The following KLF8 variants were observed in gnomAD, a reference collection of about 807,000 sequenced individuals.
KLF8 encodes KLF transcription factor 8, also known as Krueppel-like factor 8.
In KLF8, 10 loss-of-function variants were observed where a neutral mutation model predicts 18.2. The ratio of observed to expected loss-of-function variants is 0.55; its 90% CI spans 0.34 to 0.93. The LOEUF is 0.93. Among genes scored for constraint, KLF8 ranks in the 40% least tolerant of loss-of-function variants. The pLI, the probability that KLF8 is intolerant of heterozygous loss-of-function variation, is 0.02. For missense variants in KLF8, 264 were observed against 277.9 expected, an observed-to-expected ratio of 0.95 and a Z score of 0.36; for synonymous variants, 109 against 97.3, an observed-to-expected ratio of 1.12 and a Z score of -0.71.
the KLF8 span, among the ~76,000 whole-genome samples, chrX:56,176,526 G>T: frequency 9.0e-6 from 1 of 111,579 alleles, no homozygotes; most frequent in Non-Finnish European, 1.9e-5. Flanking sequence ...CTCTCTGGCT[G>T]CTCTTAACAT....
chrX:55,942,538 A>T, the KLF8 span, among the ~76,000 whole-genome samples: 4 of 111,816 alleles, frequency 3.6e-5, no homozygotes, highest in African/African-American at 1.3e-4. Flanking sequence ...ATTAATAAAA[A>T]AAGAATCTAG....
At chrX:56,164,729 C>CTTTTTTTTTTTTTTTTTTCTT in the KLF8 span, among the ~76,000 whole-genome samples, 3 of 51,922 alleles carry the variant, frequency 5.8e-5, no homozygotes, top group Non-Finnish European at 1.0e-4. Flanking sequence ...CTTGTTATCT[C>CTTTTTTTTTTTTTTTTTTCTT]TTTTTTTTTT....
At chrX:56,230,422 T>C (rs1296305034), upstream of KLF8, among the ~76,000 whole-genome samples, 1 of 112,140 alleles carries the variant, frequency 8.9e-6, no homozygotes, top group African/African-American at 3.2e-5. Flanking sequence ...ATTTTTTAAA[T>C]GAAGGCATAG....
At chrX:56,054,113 T>TTTTA in the KLF8 span, among the ~76,000 whole-genome samples, 2 of 110,098 alleles carry the variant, frequency 1.8e-5, no homozygotes, top group Non-Finnish European at 3.8e-5. Flanking sequence ...AGATCTTTCT[T>TTTTA]TTTATTTATT....
the KLF8 span, among the ~76,000 whole-genome samples, chrX:56,154,163 G>A: frequency 2.2e-4 from 24 of 110,994 alleles, no homozygotes; most frequent in Middle Eastern, 4.6e-3. Flanking sequence ...GAGGCATCAC[G>A]CTACCTGACT....
At chrX:55,980,636 G>C in the KLF8 span, among the ~76,000 whole-genome samples, 1 of 111,584 alleles carries the variant, frequency 9.0e-6, no homozygotes, top group African/African-American at 3.3e-5. Flanking sequence ...AATGACTATA[G>C]ATCCTGTATT....
At chrX:56,051,058 A>C in the KLF8 span, among the ~76,000 whole-genome samples, 4 of 109,793 alleles carry the variant, frequency 3.6e-5, no homozygotes, top group Admixed American at 2.9e-4. Context: ...TTGTTGGTTT[A>C]AAGTCTGTTT....
the KLF8 span, among the ~76,000 whole-genome samples, chrX:56,075,851 A>G: frequency 8.9e-6 from 1 of 112,031 alleles, no homozygotes; most frequent in Non-Finnish European, 1.9e-5. Flanking sequence ...ATGTCTCATT[A>G]TTTTTATGGC....
At chrX:56,123,271 A>AAAAGAAAGAAAG in the KLF8 span, among the ~76,000 whole-genome samples, 143 of 91,309 alleles carry the variant, frequency 1.6e-3, 1 homozygote, top group East Asian at 3.4e-3. Flanking sequence ...GAAAGAAAGA[A>AAAAGAAAGAAAG]AAAGAAAGAA....
chrX:55,914,856 A>AT, the KLF8 span, among the ~76,000 whole-genome samples: 16 of 111,473 alleles, frequency 1.4e-4, no homozygotes, highest in Non-Finnish European at 7.5e-5. Flanking sequence ...AGAGTCTCTT[A>AT]TTTTTTATAA....
the KLF8 span, among the ~76,000 whole-genome samples, chrX:56,104,925 G>C: frequency 4.5e-5 from 5 of 111,467 alleles, no homozygotes; most frequent in Non-Finnish European, 9.4e-5. Flanking sequence ...GCTTTGTTCT[G>C]ATTGATATCA....
the KLF8 span, among the ~76,000 whole-genome samples, chrX:56,160,055 T>C: frequency 8.9e-6 from 1 of 111,986 alleles, no homozygotes; most frequent in Non-Finnish European, 1.9e-5. Flanking sequence ...TACACACTGC[T>C]TTGAATGTGT....
the KLF8 span, among the ~76,000 whole-genome samples, chrX:56,124,522 T>C: frequency 8.9e-6 from 1 of 112,143 alleles, no homozygotes; most frequent in South Asian, 3.7e-4. Flanking sequence ...TAAAACATGA[T>C]GCTTTTCATT....
chrX:56,143,595 C>T, the KLF8 span, among the ~76,000 whole-genome samples: 7 of 111,839 alleles, frequency 6.3e-5, no homozygotes, highest in Admixed American at 6.7e-4. Flanking sequence ...TTTCATCCCA[C>T]TTTCCCTTTC....
chrX:56,203,467 T>C, the KLF8 span, among the ~76,000 whole-genome samples: 2 of 112,406 alleles, frequency 1.8e-5, no homozygotes, highest in South Asian at 7.4e-4. Context: ...TGGTTACCTG[T>C]GCTTGTGGAA....
the KLF8 span, among the ~76,000 whole-genome samples, chrX:55,985,792 CCT>C: frequency 9.1e-6 from 1 of 110,472 alleles, no homozygotes; most frequent in East Asian, 2.8e-4. Context: ...TTGTTTGTGT[CCT>C]CTCTGATTTC....
At chrX:56,184,772 G>A in the KLF8 span, among the ~76,000 whole-genome samples, 1 of 112,003 alleles carries the variant, frequency 8.9e-6, no homozygotes, top group African/African-American at 3.2e-5. Flanking sequence ...CAGGGTCTAG[G>A]GTGGACCTCC....
At chrX:56,012,113 A>G in the KLF8 span, among the ~76,000 whole-genome samples, 2 of 112,313 alleles carry the variant, frequency 1.8e-5, no homozygotes, top group South Asian at 3.7e-4. Context: ...TGAGGCCAGC[A>G]TCATCCTGAT....
chrX:55,939,136 CT>C, the KLF8 span, among the ~76,000 whole-genome samples: 1 of 111,713 alleles, frequency 9.0e-6, no homozygotes, highest in African/African-American at 3.3e-5. Flanking sequence ...TAAAGCTCTC[CT>C]CAGCAAATGT....
Sources: gnomAD v4.1 joint callset for allele counts (sites outside exome capture counted in the v4.1 genomes callset) on GRCh38, gnomAD v4.1.1 for gene constraint, MANE v1.5 for transcripts, NCBI Gene and HGNC (gene_info 2026-07-23, HGNC 2026-07-21) for gene names.